Variants in SAMD10 observed in about 807,000 individuals in gnomAD.
The protein encoded by SAMD10 is sterile alpha motif domain-containing protein 10.
In SAMD10, 16 loss-of-function variants were observed where a neutral mutation model predicts 22.5. That is an observed-to-expected ratio of 0.71 (90% confidence interval 0.48 to 1.08). The LOEUF is 1.08. SAMD10 is among the 50% of genes least tolerant of loss of function. The pLI is 0.00. For synonymous variants in SAMD10, 118 were observed against 122.2 expected (o/e 0.97, Z 0.23); for missense variants, 227 against 281.3 (o/e 0.81, Z 1.38).
chr20:63,978,620 G>A (rs1053816282), intron 1 of SAMD10, among the ~76,000 whole-genome samples: 4 of 152,204 alleles, frequency 2.6e-5, no homozygotes, highest in Non-Finnish European at 5.9e-5. Flanking sequence ...AGACTTAGGA[G>A]ACATAACACC....
intron 1 of SAMD10, among the ~76,000 whole-genome samples, chr20:63,978,891 G>C (rs557796406): frequency 6.6e-6 from 1 of 152,196 alleles, no homozygotes; most frequent in Non-Finnish European, 1.5e-5. Flanking sequence ...CAGCCCGCAC[G>C]GCACCTGCCC....
Position 63,975,686 on chromosome 20 carries a change from A to C in SAMD10, c.586+6T>G. 6.3e-7 allele frequency: 1 copy of C among 1,597,462 alleles called. No homozygotes were observed. Among genetic ancestry groups the C allele is most frequent in the East Asian group, 2.3e-5 (1 of 44,184 alleles). On this transcript the variant is annotated splice_donor_region_variant and intron_variant, in intron 4 of 4. Coordinates refer to ENST00000369886, the MANE Select transcript of SAMD10 (RefSeq NM_080621.5). ...CCCCCAGGCCTCTCTGGCACCTCAC[A>C]CTGACCTTGGCTGAGCAGCTGCAGG...
Position 63,975,413 on chromosome 20 carries a change from G to A in SAMD10, c.*97C>T, listed in dbSNP as rs1207050550. On this transcript the variant is annotated 3_prime_UTR_variant, in exon 5 of 5. Transcript: ENST00000369886. The stretch of plus-strand genomic sequence containing the variant: ...GCCAGCCTGGCCGCCCCGGCATCCC[G>A]CAGGGTCCAAGAGGCGCTGCGGGGC... 15 of 1,495,552 alleles carry A rather than the reference G, an allele frequency of 1.0e-5. No individual in the cohort carries two copies. The highest frequency in any genetic ancestry group is 5.8e-5 in the Admixed American group (3 of 51,958). The allele number at this position is 1,495,552 out of a possible 1,614,324, so 92.6% of individuals were successfully genotyped here.
intron 3 of SAMD10, among the ~76,000 whole-genome samples, chr20:63,976,153 A>G (rs1338512023): frequency 1.3e-5 from 2 of 151,786 alleles, no homozygotes; most frequent in African/African-American, 4.9e-5. Context: ...AGACTGGATG[A>G]CAGAGCGAGA....
upstream of SAMD10, chr20:63,979,719 G>A (rs1007225630): frequency 2.0e-5 from 20 of 981,238 alleles, no homozygotes; most frequent in Non-Finnish European, 2.3e-5. This position sits in a 1 kb window ranked among gnomAD's most constrained non-coding sequence, Gnocchi z 7.7. Flanking sequence ...CCGCCAGGGC[G>A]AGGGGCGTCC....
Position 63,975,844 on chromosome 20 carries a change from A to G in SAMD10, c.446-12T>C. 6.3e-7 allele frequency: 1 copy of G among 1,584,824 alleles called. No individual in the cohort carries two copies. Among genetic ancestry groups the G allele is most frequent in the Non-Finnish European group, 8.5e-7 (1 of 1,171,306 alleles). On this transcript the variant is annotated splice_polypyrimidine_tract_variant and intron_variant, in intron 3 of 4. Coordinates refer to ENST00000369886, the MANE Select transcript of SAMD10 (RefSeq NM_080621.5). ...CAGCAGTGCCCGGCCTGGGGAGAGG[A>G]AAGAGGGGCTGAGCTGAGGCCAACA...
chr20:63,975,138 C>A lies in SAMD10; in HGVS notation c.*372G>T, dbSNP rs920071578. 3.4e-6 allele frequency: 1 copy of A among 290,802 alleles called. No individual in the cohort carries two copies. The highest frequency in any genetic ancestry group is 5.6e-5 in the Admixed American group (1 of 17,732). 18.0% of individuals were successfully genotyped at this position (290,802 alleles called of 1,614,324 possible). ...AGTGACTCAGCAGGCGATGGGGGAC[C>A]GACATCACGTGGAGAGGGGAATGTA... On this transcript the variant is annotated 3_prime_UTR_variant, in exon 5 of 5. Coordinates refer to ENST00000369886, the MANE Select transcript of SAMD10 (RefSeq NM_080621.5).
intron 3 of SAMD10, among the ~76,000 whole-genome samples, 194 bp downstream of exon 3, chr20:63,976,764 CAAAAAAAAAAAAA>C (rs60461303): frequency 1.6e-5 from 1 of 63,894 alleles, no homozygotes; most frequent in Non-Finnish European, 2.6e-5. Context: ...TCTGTCTCAC[CAAAAAAAAAAAAA>C]AAAAAAAAAA....
chr20:63,975,556 A>C, intron 4 of SAMD10, 24 bp from the exon 5 acceptor site: 1 of 1,604,656 alleles, frequency 6.2e-7, no homozygotes, highest in South Asian at 1.1e-5. Context: ...GAGGGTGAGA[A>C]TGGGGTGGGG....
intron 1 of SAMD10, among the ~76,000 whole-genome samples, chr20:63,978,870 G>A (rs1291208646): frequency 2.0e-5 from 3 of 152,188 alleles, no homozygotes; most frequent in African/African-American, 7.2e-5. Flanking sequence ...GGGGAAACCC[G>A]TCGGACTCCT....
Position 63,979,605 on chromosome 20 carries a change from A to T in SAMD10, c.-138T>A, listed in dbSNP as rs1029582359. ...CCCGAGCCGGTCCCCGCGGCCCGCG[A>T]GTGTGCGCGACGAGGCACCTGCCGC... On this transcript the variant is annotated 5_prime_UTR_variant, in exon 1 of 5. Transcript: ENST00000369886. The surrounding 1 kb of genome is among the most constrained non-coding windows in gnomAD (Gnocchi z 7.7). The T allele has an allele frequency of 2.1e-5, 21 of 984,324 alleles. No individual in the cohort carries two copies. In the African/African-American group the frequency reaches 3.5e-4, roughly 16 times the overall value. The allele number at this position is 984,324 out of a possible 1,614,324, so 61.0% of individuals were successfully genotyped here.
rs1024419692 is a variant in SAMD10, at chr20:63,975,296, GCAGCCCCCTACCCACC to G, written c.*198_*213del. 1.7e-5 allele frequency: 10 copies of G among 572,056 alleles called. No individual in the cohort carries two copies. The highest frequency in any genetic ancestry group is 1.6e-4 in the East Asian group (5 of 30,534). 35.4% of individuals were successfully genotyped at this position (572,056 alleles called of 1,614,324 possible). A position where few individuals can be genotyped will look rare whatever the true frequency, so the allele number is the denominator to read the frequency against. ...TCCCAGGAGGTGGGGCCACACTCAA[GCAGCCCCCTACCCACC>G]CAGCCCCAGGGCACGACCTGGAATG... On this transcript the variant is annotated 3_prime_UTR_variant, in exon 5 of 5. Coordinates refer to ENST00000369886, the MANE Select transcript of SAMD10 (RefSeq NM_080621.5).
chr20:63,977,344 G>C lies in SAMD10; in HGVS notation c.154C>G (p.Pro52Ala). The change falls in exon 2 of 5, where the codon CCC becomes GCC. Residue 52 changes from proline (P) to alanine (A), a missense_variant. Coordinates refer to ENST00000369886, the MANE Select transcript of SAMD10 (RefSeq NM_080621.5). The surrounding 1 kb of genome is among the most constrained non-coding windows in gnomAD (Gnocchi z 5.4). ...CCAGGTGTCCGAGGCAAGTGGCAGG[G>C]GATGCTCTCAGCTGACACCGTGTGC... is the stretch of plus-strand genomic sequence containing the variant. ...LEHTVSAESI[P>A]CHLPRTPGTS... The C allele has an allele frequency of 6.2e-7, 1 of 1,613,490 alleles. No homozygotes were observed. Among genetic ancestry groups the C allele is most frequent in the Non-Finnish European group, 8.5e-7 (1 of 1,180,030 alleles).
chr20:63,978,146 TGGGGACCCAC>T, intron 1 of SAMD10: 1 of 442,956 alleles, frequency 2.3e-6, no homozygotes, highest in African/African-American at 2.0e-5. Flanking sequence ...AGCCATTGCT[TGGGGACCCAC>T]GGTGATGCTC....
intron 1 of SAMD10, among the ~76,000 whole-genome samples, chr20:63,978,020 G>A (rs928539315): frequency 3.9e-5 from 6 of 152,214 alleles, no homozygotes; most frequent in Non-Finnish European, 8.8e-5. Context: ...GCAAACACGC[G>A]CTGGGCTCTC....
In SAMD10 at chr20:63,974,286, C is replaced by T. The variant is rs376000549; in HGVS notation, c.*1224G>A. On this transcript the variant is annotated 3_prime_UTR_variant, in exon 5 of 5. Transcript: ENST00000369886. Reference sequence around the variant, plus strand: ...TTGGGCGAAGGCTGATGGTGGGAGGCGGGCAGAATACTTGCGCAGCCACAC... The same window carrying T: ...TTGGGCGAAGGCTGATGGTGGGAGGTGGGCAGAATACTTGCGCAGCCACAC... The T allele has an allele frequency of 2.3e-3, 344 of 152,468 alleles. 11 individuals carry two copies. The South Asian group carries it at 0.055, about 24-fold the overall frequency. The allele number at this position is 152,468 out of a possible 1,614,324, so 9.4% of individuals were successfully genotyped here.
intron 3 of SAMD10, among the ~76,000 whole-genome samples, chr20:63,976,148 G>A (rs1169285332): frequency 6.6e-6 from 1 of 152,040 alleles, no homozygotes; most frequent in Non-Finnish European, 1.5e-5. Flanking sequence ...ACTCCAGACT[G>A]GATGACAGAG....
At chr20:63,978,497 G>A (rs1403649083) in intron 1 of SAMD10, 6 of 349,534 alleles carry the variant, frequency 1.7e-5, no homozygotes, top group African/African-American at 1.1e-4. Context: ...AGACCCTCCC[G>A]GCCTCAGACT....
Position 63,979,387 on chromosome 20 carries a change from C to G in SAMD10, c.81G>C (p.Arg27=), listed in dbSNP as rs1216753397. 1 of 1,489,378 alleles carries G rather than the reference C, an allele frequency of 6.7e-7. No individual in the cohort carries two copies. Among genetic ancestry groups the G allele is most frequent in the African/African-American group, 1.5e-5 (1 of 68,324 alleles). 92.3% of individuals were successfully genotyped at this position (1,489,378 alleles called of 1,614,324 possible). ...TCCAGCCCCGCTCACCGTCCACATCCCGGCGCTCCCCGAAGCCCGCGCGCA... is the reference window on the plus strand; with the variant it reads ...TCCAGCCCCGCTCACCGTCCACATCGCGGCGCTCCCCGAAGCCCGCGCGCA... ...GAVRAGFGER[R]DVDATAHFSF... Residue 27 remains arginine (R), a synonymous_variant, in exon 1 of 5, where the codon CGG becomes CGC. Coordinates refer to ENST00000369886, the MANE Select transcript of SAMD10 (RefSeq NM_080621.5). The surrounding 1 kb of genome is among the most constrained non-coding windows in gnomAD (Gnocchi z 7.7).
Sources: allele counts gnomAD v4.1 joint callset (sites outside exome capture counted in the v4.1 genomes callset), GRCh38; gene constraint gnomAD v4.1.1; non-coding constraint Gnocchi (gnomAD v3.1); transcripts MANE v1.5; gene names NCBI Gene and HGNC (gene_info 2026-07-23, HGNC 2026-07-21).